PRKCB: variants seen among roughly 807,000 people sequenced by gnomAD.
The protein encoded by PRKCB is protein kinase C beta.
Under a neutral mutation model 81.5 loss-of-function variants are expected in PRKCB, and 13 were observed. The ratio of observed to expected loss-of-function variants is 0.16; its 90% confidence interval spans 0.10 to 0.25. The LOEUF (loss-of-function observed/expected upper bound fraction) is 0.25. Ranked by LOEUF, PRKCB falls within the 10% of genes least tolerant of loss-of-function variation. The probability of loss-of-function intolerance (pLI) is 1.00; values close to 1 mark genes in which losing one functional copy is unlikely to be tolerated. For missense variants in PRKCB, 509 were observed against 875.7 expected (o/e 0.58, Z 5.29); for synonymous variants, 335 against 321.4 (o/e 1.04, Z -0.45).
intron 2 of PRKCB, among the ~76,000 whole-genome samples, chr16:23,838,271 T>C (rs1962204182): frequency 6.6e-6 from 1 of 152,204 alleles, no homozygotes; most frequent in Non-Finnish European, 1.5e-5. Context: ...TTAACTTTGC[T>C]GAGAAATGGT....
At chr16:24,101,425 G>A (rs1452436808) in intron 7 of PRKCB, among the ~76,000 whole-genome samples, 2 of 152,162 alleles carry the variant, frequency 1.3e-5, no homozygotes, top group Non-Finnish European at 2.9e-5. Context: ...TGTGCTCCCA[G>A]CTACTCAGGA....
intron 2 of PRKCB, among the ~76,000 whole-genome samples, chr16:23,872,243 C>T (rs1050560017): frequency 2.0e-5 from 3 of 152,206 alleles, no homozygotes; most frequent in African/African-American, 7.2e-5. Context: ...CTCCATGTCT[C>T]TCTGTTGGAG....
rs17847884 is a variant in PRKCB, at chr16:24,113,000, C to T, written c.849C>T (p.Gly283=). The stretch of plus-strand genomic sequence containing the variant: ...TTAAGTTACTGAGCCAGGAGGAAGG[C>T]GAGTACTTCAATGTGCCTGTGCCAC... ...GWFKLLSQEE[G]EYFNVPVPPE... Residue 283 remains glycine (G), a synonymous_variant, in exon 8 of 17, where the codon GGC becomes GGT. Coordinates refer to ENST00000643927, the MANE Select transcript of PRKCB (RefSeq NM_002738.7). The T allele has an allele frequency of 4.7e-5, 75 of 1,612,006 alleles. No homozygotes were observed. The East Asian group carries it at 1.4e-3, about 30-fold the overall frequency.
intron 2 of PRKCB, among the ~76,000 whole-genome samples, chr16:23,894,227 T>C (rs1963337721): frequency 6.6e-6 from 1 of 152,206 alleles, no homozygotes; most frequent in Non-Finnish European, 1.5e-5. Flanking sequence ...CATTTGCTTC[T>C]GTCCCATAGG....
At chr16:23,904,592 A>G (rs8049229) in intron 2 of PRKCB, among the ~76,000 whole-genome samples, 146,740 of 152,230 alleles carry the variant, frequency 0.96, 70,762 homozygotes, top group East Asian at 1. Context: ...GAACCCGGGA[A>G]GTGAAGGTTG....
chr16:23,996,103 T>C (rs78426400), intron 3 of PRKCB, among the ~76,000 whole-genome samples: 151 of 152,110 alleles, frequency 9.9e-4, no homozygotes, highest in African/African-American at 3.6e-3. Context: ...GGAAGGAATA[T>C]GATTGAAAAA....
intron 2 of PRKCB, among the ~76,000 whole-genome samples, chr16:23,848,365 T>C (rs1330997263): frequency 1.3e-5 from 2 of 152,090 alleles, no homozygotes; most frequent in Non-Finnish European, 2.9e-5. Context: ...GAAACTGAAA[T>C]GGCCATTTAG....
chr16:24,076,353 T>C (rs1415113005), intron 5 of PRKCB, among the ~76,000 whole-genome samples: 2 of 152,220 alleles, frequency 1.3e-5, no homozygotes, highest in Non-Finnish European at 1.5e-5. Flanking sequence ...GTGGGGCTAA[T>C]TCAGAGTATG....
intron 5 of PRKCB, among the ~76,000 whole-genome samples, chr16:24,075,049 G>T (rs1966160879): frequency 3.3e-5 from 5 of 150,910 alleles, no homozygotes; most frequent in Admixed American, 1.3e-4. Flanking sequence ...AGCCCAAGAG[G>T]TTGAGACTAC....
chr16:24,145,898 C>T (rs781235119), intron 9 of PRKCB, among the ~76,000 whole-genome samples: 1 of 152,194 alleles, frequency 6.6e-6, no homozygotes, highest in Non-Finnish European at 1.5e-5. Context: ...AATGTATGTT[C>T]AATTTCTAAT....
At chr16:24,192,518 T>C (rs1215496799) in intron 16 of PRKCB, among the ~76,000 whole-genome samples, 1 of 152,046 alleles carries the variant, frequency 6.6e-6, no homozygotes, top group Non-Finnish European at 1.5e-5. Context: ...AACTCAGAGG[T>C]GAGATGCATA....
chr16:23,838,124 A>C (rs930873180), intron 2 of PRKCB, among the ~76,000 whole-genome samples: 66 of 152,146 alleles, frequency 4.3e-4, no homozygotes, highest in African/African-American at 1.5e-3. Context: ...TCATGTCTAA[A>C]AGACAGATTG....
At position 24,096,661 on chromosome 16, in the gene PRKCB, AAAAAAATATAT is replaced by A. The variant is rs1199426823; in HGVS notation, c.821+2366_821+2376del. ...TGCTCCCTTCCTATGGCAAAAAAAA[AAAAAAATATAT>A]ATATATATATATATATATATATATA... is the stretch of plus-strand genomic sequence containing the variant. On this transcript the variant is annotated intron_variant, in intron 7 of 16. Transcript: ENST00000643927. Among the ~76,000 whole-genome samples, 10 of 49,232 alleles carry A rather than the reference AAAAAAATATAT, an allele frequency of 2.0e-4. No homozygotes were observed. The East Asian group carries it at 2.2e-3, about 11-fold the overall frequency. The allele number at this position is 49,232 out of a possible 152,430, so 32.3% of individuals were successfully genotyped here.
chr16:24,128,563 A>G (rs1966848559), intron 9 of PRKCB, among the ~76,000 whole-genome samples: 1 of 152,224 alleles, frequency 6.6e-6, no homozygotes, highest in Non-Finnish European at 1.5e-5. Context: ...TTGTTTTTTT[A>G]AACAGGCAGA....
intron 9 of PRKCB, 32 bp from the exon 10 acceptor site, chr16:24,154,652 A>T (rs1967129331): frequency 3.7e-6 from 6 of 1,611,220 alleles, no homozygotes; most frequent in Non-Finnish European, 5.1e-6. Flanking sequence ...GACTCCTTCC[A>T]ACTGCCCTGA....
chr16:24,070,573 TA>T (rs2141884316), intron 5 of PRKCB, among the ~76,000 whole-genome samples: 1 of 152,276 alleles, frequency 6.6e-6, no homozygotes, highest in South Asian at 2.1e-4. Context: ...TTGTTGAGTG[TA>T]AAATAGGTTG....
At chr16:23,922,215 G>A (rs2141746707) in intron 2 of PRKCB, among the ~76,000 whole-genome samples, 1 of 152,334 alleles carries the variant, frequency 6.6e-6, no homozygotes, top group East Asian at 1.9e-4. Flanking sequence ...TTAGGCAGGA[G>A]ACCTAAATGA....
intron 2 of PRKCB, among the ~76,000 whole-genome samples, chr16:23,903,137 T>C (rs1444852486): frequency 2.0e-5 from 3 of 151,840 alleles, no homozygotes; most frequent in Non-Finnish European, 2.9e-5. Flanking sequence ...AGCCTACTTA[T>C]GTTATTTCTA....
intron 10 of PRKCB, among the ~76,000 whole-genome samples, chr16:24,155,846 C>T (rs1047874250): frequency 8.5e-5 from 13 of 152,176 alleles, no homozygotes; most frequent in Non-Finnish European, 1.6e-4. Flanking sequence ...ACTGACTGTA[C>T]GGTCTTGGGG....
Sources: gnomAD v4.1 joint callset for allele counts (sites outside exome capture counted in the v4.1 genomes callset) on GRCh38, gnomAD v4.1.1 for gene constraint, MANE v1.5 for transcripts, NCBI Gene and HGNC (gene_info 2026-07-23, HGNC 2026-07-21) for gene names.